The following CUX2 variants were observed in gnomAD, a reference collection of about 807,000 sequenced individuals.
CUX2 encodes homeobox protein cut-like 2.
A neutral mutation model predicts 144.8 loss-of-function variants in CUX2; 40 were observed. That is an observed-to-expected ratio of 0.28 (90% CI 0.21 to 0.36). The LOEUF (loss-of-function observed/expected upper bound fraction) is 0.36. Among genes scored for constraint, CUX2 ranks in the 10% least tolerant of loss-of-function variants. The pLI is 1.00. For missense variants in CUX2, 1,615 were observed against 1,994.0 expected, an observed-to-expected ratio of 0.81 and a Z score of 3.62; for synonymous variants, 827 against 875.6, an observed-to-expected ratio of 0.94 and a Z score of 0.98.
chr12:111,228,686 A>G (rs1592859730), intron 3 of CUX2, among the ~76,000 whole-genome samples: 1 of 152,050 alleles, frequency 6.6e-6, no homozygotes, highest in Non-Finnish European at 1.5e-5. Context: ...GGCCTCCCCA[A>G]GTGCTAGGAT....
In CUX2 at chr12:111,246,799, G is replaced by A. The variant is rs183518735; in HGVS notation, c.223-16962G>A. On this transcript the variant is annotated intron_variant, in intron 3 of 21. Transcript: ENST00000261726. This position sits in a 1 kb window ranked among gnomAD's most constrained non-coding sequence, Gnocchi z 4.0. ...CGGCCTGCCTCTCTTGTGTGAGCCT[G>A]TGCCTCTTCCTCCTTGAAGCCCTCC... 9.3e-4 allele frequency among the ~76,000 whole-genome samples: 142 copies of A among 152,236 alleles called. No individual in the cohort carries two copies. Among genetic ancestry groups the A allele is most frequent in the Middle Eastern group, 3.4e-3 (1 of 294 alleles).
chr12:111,346,319 T>C (rs1433256819), intron 21 of CUX2, among the ~76,000 whole-genome samples: 2 of 150,828 alleles, frequency 1.3e-5, no homozygotes, highest in Non-Finnish European at 3.0e-5. Flanking sequence ...CTACTAAAAA[T>C]ACAAAAATTA....
chr12:111,188,288 C>T (rs942743739), intron 1 of CUX2, among the ~76,000 whole-genome samples: 6 of 152,294 alleles, frequency 3.9e-5, no homozygotes, highest in Middle Eastern at 3.4e-3. Flanking sequence ...AGGAAGAGGA[C>T]GATGCAGTGT....
At chr12:111,150,056 T>A (rs1175840774) in intron 1 of CUX2, among the ~76,000 whole-genome samples, 1 of 152,180 alleles carries the variant, frequency 6.6e-6, no homozygotes, top group African/African-American at 2.4e-5. Flanking sequence ...AAAATGTACA[T>A]GTCAGCTGAC....
At chr12:111,335,848 G>A (rs1240646431) in intron 19 of CUX2, among the ~76,000 whole-genome samples, 1 of 152,152 alleles carries the variant, frequency 6.6e-6, no homozygotes, top group Non-Finnish European at 1.5e-5. Context: ...CAAGGCTGCA[G>A]TGAGCTATGA....
At chr12:111,085,997 C>T (rs1872192936) in intron 1 of CUX2, among the ~76,000 whole-genome samples, 1 of 152,188 alleles carries the variant, frequency 6.6e-6, no homozygotes, top group Non-Finnish European at 1.5e-5. Flanking sequence ...GCAGATGTAG[C>T]TGATGGAGAA....
intron 1 of CUX2, among the ~76,000 whole-genome samples, chr12:111,135,861 T>C (rs1555272703): frequency 6.6e-6 from 1 of 152,150 alleles, no homozygotes; most frequent in Non-Finnish European, 1.5e-5. Flanking sequence ...TGCTGGGTCT[T>C]GGGGTGATGA....
intron 1 of CUX2, among the ~76,000 whole-genome samples, chr12:111,092,148 G>A (rs146322077): frequency 2.0e-5 from 3 of 152,318 alleles, no homozygotes; most frequent in African/African-American, 4.8e-5. Context: ...TTTAGAAAAC[G>A]TTGAGAGCAA....
At position 111,263,981 on chromosome 12, in the gene CUX2, G is replaced by T. The variant is rs1884259905; in HGVS notation, c.301+142G>T. The T allele has an allele frequency of 1.4e-6, 1 of 728,368 alleles. No individual in the cohort carries two copies. The highest frequency in any genetic ancestry group is 2.4e-6 in the Non-Finnish European group (1 of 421,898). The allele number at this position is 728,368 out of a possible 1,614,324, so 45.1% of individuals were successfully genotyped here. A position where few individuals can be genotyped will look rare whatever the true frequency, so the allele number is the denominator to read the frequency against. On this transcript the variant is annotated intron_variant, in intron 4 of 21. Transcript: ENST00000261726. This position sits in a 1 kb window ranked among gnomAD's most constrained non-coding sequence, Gnocchi z 4.0. Reference sequence around the variant, plus strand: ...CCAGGCACTCTGTATAGGGCAGGGGGAGCTGTGGCCAGTCTGGTGTGACAT... The same window carrying T: ...CCAGGCACTCTGTATAGGGCAGGGGTAGCTGTGGCCAGTCTGGTGTGACAT...
chr12:111,298,030 CAT>C (rs1435453842), intron 8 of CUX2, among the ~76,000 whole-genome samples: 1 of 152,162 alleles, frequency 6.6e-6, no homozygotes, highest in Non-Finnish European at 1.5e-5. Flanking sequence ...AGGCCCTAAG[CAT>C]GCATGAAGCA....
intron 1 of CUX2, among the ~76,000 whole-genome samples, chr12:111,114,703 A>G (rs1163038736): frequency 1.3e-5 from 2 of 152,214 alleles, no homozygotes; most frequent in African/African-American, 4.8e-5. Context: ...TCTGTCTGGA[A>G]TACACCTTCT....
chr12:111,073,659 A>C (rs1217794755), intron 1 of CUX2, among the ~76,000 whole-genome samples: 1 of 152,026 alleles, frequency 6.6e-6, no homozygotes, highest in East Asian at 1.9e-4. Flanking sequence ...AAATTGTAAC[A>C]ATGAAAAATG....
chr12:111,323,952 G>A (rs1360571880), intron 18 of CUX2, among the ~76,000 whole-genome samples: 1 of 152,104 alleles, frequency 6.6e-6, no homozygotes, highest in Non-Finnish European at 1.5e-5. Context: ...CAGGAGGATC[G>A]CTTAAGCCCA....
At chr12:111,150,450 G>C (rs1364033311) in intron 1 of CUX2, among the ~76,000 whole-genome samples, 2 of 152,296 alleles carry the variant, frequency 1.3e-5, no homozygotes, top group East Asian at 3.9e-4. Context: ...TCCTTGTTCA[G>C]CTGTGTGTGG....
chr12:111,098,430 G>A (rs939700535), intron 1 of CUX2, among the ~76,000 whole-genome samples: 3 of 151,994 alleles, frequency 2.0e-5, no homozygotes, highest in African/African-American at 7.2e-5. Flanking sequence ...CTGAGTGGGA[G>A]AGACAGGGAG....
At chr12:111,108,224 C>G (rs1279359629) in intron 1 of CUX2, among the ~76,000 whole-genome samples, 1 of 152,092 alleles carries the variant, frequency 6.6e-6, no homozygotes, top group Non-Finnish European at 1.5e-5. Context: ...ATGTTGTGTC[C>G]TTCTCCATGC....
At chr12:111,114,260 T>A (rs988042626) in intron 1 of CUX2, among the ~76,000 whole-genome samples, 1 of 152,238 alleles carries the variant, frequency 6.6e-6, no homozygotes, top group Non-Finnish European at 1.5e-5. Flanking sequence ...TATTATCATT[T>A]TTTTTTCTTT....
chr12:111,179,936 G>A (rs1264167669), intron 1 of CUX2, among the ~76,000 whole-genome samples: 5 of 152,206 alleles, frequency 3.3e-5, no homozygotes, highest in Non-Finnish European at 7.3e-5. Context: ...TGCCCGCCTG[G>A]CCCACCAAAG....
At chr12:111,330,432 G>A (rs1888033951) in intron 18 of CUX2, among the ~76,000 whole-genome samples, 1 of 151,932 alleles carries the variant, frequency 6.6e-6, no homozygotes, top group Non-Finnish European at 1.5e-5. Flanking sequence ...ATTTATTGCT[G>A]TGTGATCTTG....
Sources: gnomAD v4.1 joint callset for allele counts (sites outside exome capture counted in the v4.1 genomes callset) on GRCh38, gnomAD v4.1.1 for gene constraint, Gnocchi (gnomAD v3.1) non-coding constraint, MANE v1.5 for transcripts, NCBI Gene and HGNC (gene_info 2026-07-23, HGNC 2026-07-21) for gene names.